SYT14: variants seen among roughly 807,000 people sequenced by gnomAD.
SYT14 encodes synaptotagmin-14.
SYT14 carries 32 observed loss-of-function variants against 74.2 expected under a neutral mutation model. That is an observed-to-expected ratio of 0.43 (90% CI 0.33 to 0.58). The LOEUF is 0.58. SYT14 is among the 20% of genes least tolerant of loss of function. The probability of loss-of-function intolerance (pLI) is 0.05; values close to 1 mark genes in which losing one functional copy is unlikely to be tolerated. For synonymous variants in SYT14, 298 were observed against 337.7 expected, an observed-to-expected ratio of 0.88 and a Z score of 1.29; for missense variants, 791 against 981.8, an observed-to-expected ratio of 0.81 and a Z score of 2.60.
chr1:209,951,470 C>CT (rs1438128709), intron 1 of SYT14, among the ~76,000 whole-genome samples: 1 of 152,104 alleles, frequency 6.6e-6, no homozygotes, highest in East Asian at 1.9e-4. Context: ...GAATTTCCTT[C>CT]TTTTTTTAGA....
intron 2 of SYT14, among the ~76,000 whole-genome samples, chr1:209,999,945 AT>A (rs1218674425): frequency 7.9e-5 from 12 of 152,192 alleles, no homozygotes; most frequent in Admixed American, 7.9e-4. Context: ...ACCTGAGGTG[AT>A]GGATACCTTA....
At chr1:210,096,660 C>G (rs1179222171) in intron 6 of SYT14, among the ~76,000 whole-genome samples, 1 of 152,156 alleles carries the variant, frequency 6.6e-6, no homozygotes, top group East Asian at 1.9e-4. Context: ...CACTTGTTTG[C>G]TTTGTGGGAG....
At position 210,121,901 on chromosome 1, in the gene SYT14, G is replaced by A. The variant is rs191967333; in HGVS notation, c.2034+21440G>A. 5.2e-3 allele frequency among the ~76,000 whole-genome samples: 782 copies of A among 151,658 alleles called. 7 individuals carry two copies. The highest frequency in any genetic ancestry group is 0.015 in the African/African-American group (624 of 41,414). ...CTTTTATTATTTTCAGGCATGCGTA[G>A]TAACTCATATTACATTGATACATAT... On this transcript the variant is annotated intron_variant, in intron 7 of 9. Transcript: ENST00000637265.
At chr1:210,058,739 G>A in intron 5 of SYT14, among the ~76,000 whole-genome samples, 1 of 152,188 alleles carries the variant, frequency 6.6e-6, no homozygotes, top group East Asian at 1.9e-4. Context: ...CATGCAAACA[G>A]TAAGGCAGTC....
At chr1:210,159,873 A>G (rs2083338838) in intron 9 of SYT14, among the ~76,000 whole-genome samples, 1 of 152,190 alleles carries the variant, frequency 6.6e-6, no homozygotes, top group African/African-American at 2.4e-5. Flanking sequence ...AGTCTTATAA[A>G]GAAAGGATTT....
chr1:210,114,308 C>A (rs1440061376), intron 7 of SYT14, among the ~76,000 whole-genome samples: 1 of 151,350 alleles, frequency 6.6e-6, no homozygotes, highest in Non-Finnish European at 1.5e-5. Flanking sequence ...TGAAGGAACG[C>A]CTGACCACTG....
At chr1:209,988,771 G>A (rs2079615325) in intron 2 of SYT14, among the ~76,000 whole-genome samples, 1 of 152,150 alleles carries the variant, frequency 6.6e-6, no homozygotes, top group African/African-American at 2.4e-5. Context: ...GATTTGGCAT[G>A]TCTTCCCTCT....
At chr1:210,008,555 G>T (rs986590412) in intron 2 of SYT14, among the ~76,000 whole-genome samples, 1 of 151,910 alleles carries the variant, frequency 6.6e-6, no homozygotes, top group East Asian at 1.9e-4. Flanking sequence ...GTAGAAATGG[G>T]GTTTGCCATG....
intron 2 of SYT14, among the ~76,000 whole-genome samples, chr1:209,961,869 T>G (rs1481671502): frequency 1.3e-5 from 2 of 152,144 alleles, no homozygotes; most frequent in Non-Finnish European, 2.9e-5. Flanking sequence ...AATGTTTCTA[T>G]AATTCATTTA....
intron 5 of SYT14, among the ~76,000 whole-genome samples, chr1:210,084,092 C>A (rs547068710): frequency 3.9e-5 from 6 of 152,330 alleles, no homozygotes; most frequent in East Asian, 3.9e-4. Flanking sequence ...CCATTACTTA[C>A]AACAGACATT....
At chr1:210,081,217 A>G (rs1332349228) in intron 5 of SYT14, among the ~76,000 whole-genome samples, 5 of 152,198 alleles carry the variant, frequency 3.3e-5, no homozygotes, top group Non-Finnish European at 5.9e-5. Context: ...CTTGAAAGTA[A>G]TGTGTATACC....
intron 7 of SYT14, among the ~76,000 whole-genome samples, chr1:210,112,893 A>G (rs2082290517): frequency 6.6e-6 from 1 of 151,412 alleles, no homozygotes; most frequent in South Asian, 2.1e-4. Context: ...AGTCAAGGCA[A>G]TGAGTTCAGC....
intron 7 of SYT14, among the ~76,000 whole-genome samples, chr1:210,139,688 G>A (rs140235052): frequency 8.5e-5 from 13 of 152,100 alleles, no homozygotes; most frequent in Middle Eastern, 3.4e-3. Flanking sequence ...TTGTCTCTAT[G>A]GTTTTGCCTC....
intron 2 of SYT14, among the ~76,000 whole-genome samples, chr1:210,008,545 G>T (rs1347203455): frequency 6.6e-6 from 1 of 151,868 alleles, no homozygotes; most frequent in African/African-American, 2.4e-5. Flanking sequence ...TGTAATTTTA[G>T]TAGAAATGGG....
chr1:210,163,407 C>T (rs1249272216), exon 10 of SYT14: 1 of 453,762 alleles, frequency 2.2e-6, no homozygotes, highest in Non-Finnish European at 4.4e-6. Context: ...TCCACCCCAG[C>T]TGCCAAGTCC....
chr1:210,055,537 C>T (rs1028212364), intron 5 of SYT14, among the ~76,000 whole-genome samples: 4 of 151,822 alleles, frequency 2.6e-5, no homozygotes, highest in East Asian at 1.9e-4. Context: ...GAATTGTTGG[C>T]CAGACACGGT....
At chr1:210,082,934 G>C (rs2102485779) in intron 5 of SYT14, among the ~76,000 whole-genome samples, 1 of 152,132 alleles carries the variant, frequency 6.6e-6, no homozygotes, top group South Asian at 2.1e-4. Flanking sequence ...CTGGTAGAAA[G>C]TTGGTAGCTA....
chr1:209,971,813 C>G (rs2079261073), intron 2 of SYT14, among the ~76,000 whole-genome samples: 1 of 152,080 alleles, frequency 6.6e-6, no homozygotes, highest in Non-Finnish European at 1.5e-5. Flanking sequence ...ATTTTTGTGT[C>G]TGTGTTCTTC....
At chr1:210,033,229 G>A (rs2080581669) in intron 5 of SYT14, among the ~76,000 whole-genome samples, 1 of 151,800 alleles carries the variant, frequency 6.6e-6, no homozygotes, top group Non-Finnish European at 1.5e-5. Context: ...TAGACCATGA[G>A]AGTTGAGTTA....
Sources: allele counts gnomAD v4.1 joint callset (sites outside exome capture counted in the v4.1 genomes callset), GRCh38; gene constraint gnomAD v4.1.1; transcripts MANE v1.5; gene names NCBI Gene and HGNC (gene_info 2026-07-23, HGNC 2026-07-21).